Variants in WDFY4 observed in about 807,000 individuals in gnomAD.
The protein encoded by WDFY4 is WDFY family member 4.
Under a neutral mutation model 351.9 loss-of-function variants are expected in WDFY4, and 169 were observed. The observed-to-expected ratio is 0.48, with a 90% CI of 0.42 to 0.55. The LOEUF is 0.55. Ranked by LOEUF, WDFY4 falls within the 20% of genes least tolerant of loss-of-function variation. The probability of loss-of-function intolerance (pLI) is 0.00; values close to 1 mark genes in which losing one functional copy is unlikely to be tolerated. For synonymous variants in WDFY4, 1,622 were observed against 1,574.6 expected (o/e 1.03, Z -0.71); for missense variants, 3,803 against 3,935.6 (o/e 0.97, Z 0.90).
chr10:48,849,685 C>G (rs1650668825), intron 39 of WDFY4, among the ~76,000 whole-genome samples: 1 of 152,174 alleles, frequency 6.6e-6, no homozygotes, highest in African/African-American at 2.4e-5. Flanking sequence ...TTCACTACTT[C>G]CATGTCCTCC....
At chr10:48,966,311 T>C (rs986915645) in intron 54 of WDFY4, among the ~76,000 whole-genome samples, 1 of 152,186 alleles carries the variant, frequency 6.6e-6, no homozygotes, top group Non-Finnish European at 1.5e-5. Context: ...GCTGCCTTTA[T>C]GACCTTGAAA....
rs1011668210 is a variant in WDFY4, at chr10:48,778,530, A to C, written c.3176-81A>C. On this transcript the variant is annotated intron_variant, in intron 17 of 61. Coordinates refer to ENST00000325239, the MANE Select transcript of WDFY4 (RefSeq NM_001394531.1). Reference sequence around the variant, plus strand: ...CCCAGTAGGTGCTGCACCTGGGCTAAATCAGCACCATAGTGAATCTGAACA... The same window carrying C: ...CCCAGTAGGTGCTGCACCTGGGCTACATCAGCACCATAGTGAATCTGAACA... The C allele has an allele frequency of 4.2e-6, 6 of 1,413,214 alleles. No homozygotes were observed. In the East Asian group the frequency reaches 1.2e-4, roughly 29 times the overall value. 87.5% of individuals were successfully genotyped at this position (1,413,214 alleles called of 1,614,324 possible).
intron 5 of WDFY4, among the ~76,000 whole-genome samples, chr10:48,724,691 C>T (rs770144747): frequency 2.6e-5 from 4 of 152,102 alleles, no homozygotes; most frequent in African/African-American, 4.8e-5. Context: ...TACAGAGCCC[C>T]TACTGTGCGC....
intron 47 of WDFY4, chr10:48,913,730 G>A (rs760200017): frequency 1.1e-5 from 17 of 1,612,972 alleles, no homozygotes; most frequent in African/African-American, 5.3e-5. Flanking sequence ...GCTCCTTCAG[G>A]GCCCCCAGTG....
At chr10:48,751,085 C>T (rs565937851) in intron 12 of WDFY4, among the ~76,000 whole-genome samples, 1 of 152,328 alleles carries the variant, frequency 6.6e-6, no homozygotes, top group South Asian at 2.1e-4. Context: ...GCCTGCTCCT[C>T]TTCTGGGCTC....
At position 48,873,460 on chromosome 10, in the gene WDFY4, T is replaced by C. The variant is rs535467460; in HGVS notation, c.6742-31T>C. ...GCCCATAAGGCCCATAAGGCAAATG[T>C]ATCCAGGGTGACTCTGTTTCTGCTC... On this transcript the variant is annotated intron_variant, in intron 40 of 61. Coordinates refer to ENST00000325239, the MANE Select transcript of WDFY4 (RefSeq NM_001394531.1). The C allele has an allele frequency of 4.0e-6, 6 of 1,513,586 alleles. No homozygotes were observed. The African/African-American group carries it at 7.0e-5, about 18-fold the overall frequency. The allele number at this position is 1,513,586 out of a possible 1,614,324, so 93.8% of individuals were successfully genotyped here.
At chr10:48,931,605 A>G (rs138554345) in intron 47 of WDFY4, among the ~76,000 whole-genome samples, 3 of 152,310 alleles carry the variant, frequency 2.0e-5, no homozygotes, top group African/African-American at 7.2e-5. Flanking sequence ...ACTGTGGCCT[A>G]CTTTTTGAAG....
At chr10:48,745,589 C>T (rs2064984799) in intron 12 of WDFY4, 4 of 505,308 alleles carry the variant, frequency 7.9e-6, no homozygotes, top group South Asian at 6.9e-5. Context: ...TTCTTCTCCA[C>T]GTTCTTTTTG....
intron 40 of WDFY4, among the ~76,000 whole-genome samples, chr10:48,868,805 C>G (rs953381010): frequency 5.3e-5 from 8 of 152,128 alleles, no homozygotes; most frequent in South Asian, 2.1e-4. Flanking sequence ...CTGGGAGATA[C>G]AGTTATGGCC....
intron 24 of WDFY4, chr10:48,802,604 C>A (rs1257887715): frequency 2.3e-6 from 1 of 432,624 alleles, no homozygotes; most frequent in African/African-American, 2.0e-5. Flanking sequence ...TGGCATCCAT[C>A]AATTCTGCCC....
intron 47 of WDFY4, chr10:48,913,339 C>T (rs1389988702): frequency 4.5e-6 from 7 of 1,552,542 alleles, no homozygotes; most frequent in Non-Finnish European, 6.1e-6. Context: ...GCCCACTGCC[C>T]TCTTCCCTCC....
Position 48,917,539 on chromosome 10 carries a change from T to C in WDFY4, c.7586+15676T>C, listed in dbSNP as rs139045736. 3.1e-3 allele frequency among the ~76,000 whole-genome samples: 466 copies of C among 152,298 alleles called. 5 individuals are homozygous for C. Among genetic ancestry groups the C allele is most frequent in the Non-Finnish European group, 5.3e-3 (362 of 68,018 alleles). On this transcript the variant is annotated intron_variant, in intron 47 of 61. Transcript: ENST00000325239. ...ACCCACAGGGGAACAGCAATAGGAA[T>C]GACTGCAGGTTTCTCATCAGAAACC...
chr10:48,768,199 A>T (rs185442408), intron 13 of WDFY4, among the ~76,000 whole-genome samples: 44 of 152,244 alleles, frequency 2.9e-4, no homozygotes, highest in African/African-American at 1.0e-3. Flanking sequence ...GAAGTGGGTG[A>T]ATCTCCAAGC....
Position 48,719,999 on chromosome 10 carries a change from C to T in WDFY4, c.235-12C>T. On this transcript the variant is annotated splice_polypyrimidine_tract_variant and intron_variant, in intron 2 of 61. Transcript: ENST00000325239. ...ATTGCTATCTCTGACCAAGTCCCAT[C>T]TGTTGCTTCAGGCCTGGGAACACTC... The T allele has an allele frequency of 3.2e-6, 5 of 1,550,652 alleles. No homozygotes were observed. Among genetic ancestry groups the T allele is most frequent in the Non-Finnish European group, 3.5e-6 (4 of 1,146,072 alleles).
At chr10:48,834,772 C>T (rs1044316348) in intron 39 of WDFY4, among the ~76,000 whole-genome samples, 1 of 152,224 alleles carries the variant, frequency 6.6e-6, no homozygotes, top group Non-Finnish European at 1.5e-5. Flanking sequence ...AACCCTCACA[C>T]CTGTTGATGC....
chr10:48,962,827 T>C (rs563686364), intron 53 of WDFY4, among the ~76,000 whole-genome samples: 4 of 152,200 alleles, frequency 2.6e-5, no homozygotes, highest in Non-Finnish European at 4.4e-5. Flanking sequence ...AGCCTGAGCA[T>C]GGACAGAATG....
At chr10:48,730,320 G>T (rs1290793236) in intron 8 of WDFY4, among the ~76,000 whole-genome samples, 1 of 152,220 alleles carries the variant, frequency 6.6e-6, no homozygotes, top group East Asian at 1.9e-4. Context: ...CTGCAGTGCT[G>T]CAGAGTTCAG....
At chr10:48,816,555 G>A (rs1323474502) in intron 31 of WDFY4, among the ~76,000 whole-genome samples, 1 of 151,998 alleles carries the variant, frequency 6.6e-6, no homozygotes, top group African/African-American at 2.4e-5. Flanking sequence ...TTTATTGTAG[G>A]CCTAATGAGC....
At chr10:48,974,527 A>AAAAAAAAACAAACAAAACAAC in intron 57 of WDFY4, among the ~76,000 whole-genome samples, 345 of 23,142 alleles carry the variant, frequency 0.015, 58 homozygotes, top group Non-Finnish European at 0.055. Flanking sequence ...AAAAAAAAAA[A>AAAAAAAAACAAACAAAACAAC]AACAACTCAT....
Sources: allele counts gnomAD v4.1 joint callset (sites outside exome capture counted in the v4.1 genomes callset), GRCh38; gene constraint gnomAD v4.1.1; transcripts MANE v1.5; gene names NCBI Gene and HGNC (gene_info 2026-07-23, HGNC 2026-07-21).